KDM1B: variants seen among roughly 807,000 people sequenced by gnomAD.
KDM1B encodes lysine-specific histone demethylase 2.
Under a neutral mutation model 107.4 loss-of-function variants are expected in KDM1B, and 63 were observed. That is an observed-to-expected ratio of 0.59 (90% CI 0.48 to 0.72). KDM1B has a LOEUF of 0.72. Ranked by LOEUF, KDM1B falls within the 30% of genes least tolerant of loss-of-function variation. The pLI, the probability that KDM1B is intolerant of heterozygous loss-of-function variation, is 0.00. For missense variants in KDM1B, 749 were observed against 1,020.8 expected (o/e 0.73, Z 3.63); for synonymous variants, 363 against 363.9 (o/e 1.00, Z 0.03).
At chr6:18,193,804 G>A (rs1337292131) in intron 10 of KDM1B, among the ~76,000 whole-genome samples, 1 of 151,872 alleles carries the variant, frequency 6.6e-6, no homozygotes, top group Admixed American at 6.6e-5. Context: ...GGAGGTGGTG[G>A]CATCATTACT....
In KDM1B at chr6:18,213,928, G is replaced by T; in HGVS notation, c.2109+147G>T. 1 of 864,730 alleles carries T rather than the reference G, an allele frequency of 1.2e-6. No individual in the cohort carries two copies. 53.6% of individuals were successfully genotyped at this position (864,730 alleles called of 1,614,324 possible). On this transcript the variant is annotated intron_variant, in intron 19 of 21. Coordinates refer to ENST00000650836, the MANE Select transcript of KDM1B (RefSeq NM_001364614.2). The surrounding 1 kb of genome is among the most constrained non-coding windows in gnomAD (Gnocchi z 5.9). ...TATATTCTGGGAGGACACTTGGACT[G>T]GACATTTTCCTATAGGAAAGGAGCC... is the stretch of plus-strand genomic sequence containing the variant.
intron 20 of KDM1B, among the ~76,000 whole-genome samples, 193 bp downstream of exon 20, chr6:18,215,322 G>A (rs910085366): frequency 2.6e-5 from 4 of 152,202 alleles, no homozygotes; most frequent in African/African-American, 4.8e-5. Flanking sequence ...ACAGAGTACC[G>A]CAGACTGGCT....
intron 7 of KDM1B, among the ~76,000 whole-genome samples, chr6:18,176,840 T>C (rs1263483160): frequency 6.6e-6 from 1 of 152,222 alleles, no homozygotes; most frequent in African/African-American, 2.4e-5. Context: ...TTTGATATGT[T>C]GTTGGATTCA....
chr6:18,208,756 T>C (rs1296772241), intron 17 of KDM1B, among the ~76,000 whole-genome samples: 1 of 141,754 alleles, frequency 7.1e-6, no homozygotes, highest in Non-Finnish European at 1.5e-5. Flanking sequence ...GCCATTCTCC[T>C]GCCTCAACCT....
chr6:18,159,035 T>G lies in KDM1B; in HGVS notation c.-13-848T>G, dbSNP rs893185285. 7.9e-5 allele frequency among the ~76,000 whole-genome samples: 12 copies of G among 152,300 alleles called. No homozygotes were observed. The East Asian group carries it at 1.5e-3, about 20-fold the overall frequency. On this transcript the variant is annotated intron_variant, in intron 2 of 21. Transcript: ENST00000650836. The surrounding 1 kb of genome is among the most constrained non-coding windows in gnomAD (Gnocchi z 4.5). ...CAGGCTGGAGTGCAGTAGCACAATC[T>G]CGGCTCACTGCAACCTCCGCCTCCC...
At chr6:18,217,643 C>A in intron 20 of KDM1B, 90 bp from the exon 21 acceptor site, 1 of 1,070,452 alleles carries the variant, frequency 9.3e-7, no homozygotes, top group Non-Finnish European at 1.4e-6. Context: ...TCCCAAAGTG[C>A]TGGGATGGGA....
In KDM1B at chr6:18,186,993, C is replaced by CACAA. The variant is rs1786905259; in HGVS notation, c.574-796_574-795insAACA. On this transcript the variant is annotated intron_variant, in intron 8 of 21. Transcript: ENST00000650836. This position sits in a 1 kb window ranked among gnomAD's most constrained non-coding sequence, Gnocchi z 5.6. ...GTGTGTACACACACACACACACACA[C>CACAA]ACACACATTTTTTTTCCAGGCTCCA... Among the ~76,000 whole-genome samples, 1 of 149,880 alleles carries CACAA rather than the reference C, an allele frequency of 6.7e-6. No individual in the cohort carries two copies. Among genetic ancestry groups the CACAA allele is most frequent in the South Asian group, 2.1e-4 (1 of 4,774 alleles).
At chr6:18,199,054 C>T (rs570929785) in intron 12 of KDM1B, among the ~76,000 whole-genome samples, 9 of 150,056 alleles carry the variant, frequency 6.0e-5, no homozygotes, top group South Asian at 2.1e-4. Flanking sequence ...GAAAATTAGC[C>T]GGGCATGGTG....
chr6:18,200,405 C>T lies in KDM1B; in HGVS notation c.1222-34C>T, dbSNP rs781310656. 2.5e-6 allele frequency: 4 copies of T among 1,606,200 alleles called. No individual in the cohort carries two copies. In the Admixed American group the frequency reaches 6.8e-5, roughly 27 times the overall value. On this transcript the variant is annotated intron_variant, in intron 12 of 21. Coordinates refer to ENST00000650836, the MANE Select transcript of KDM1B (RefSeq NM_001364614.2). This position sits in a 1 kb window ranked among gnomAD's most constrained non-coding sequence, Gnocchi z 4.3. The stretch of plus-strand genomic sequence containing the variant: ...ACTGTGTCTGATATAACTCTTGTGT[C>T]CTATTTAGCTTCCCTGACTGTCTGT...
At position 18,159,246 on chromosome 6, in the gene KDM1B, A is replaced by C. The variant is rs183590567; in HGVS notation, c.-13-637A>C. On this transcript the variant is annotated intron_variant, in intron 2 of 21. Coordinates refer to ENST00000650836, the MANE Select transcript of KDM1B (RefSeq NM_001364614.2). This position sits in a 1 kb window ranked among gnomAD's most constrained non-coding sequence, Gnocchi z 4.5. ...CTTGCAAAGTGCTGGGATTACAAGC[A>C]TGAACCACTGTGCCCAGCCATGAGT... Among the ~76,000 whole-genome samples, 1 of 152,172 alleles carries C rather than the reference A, an allele frequency of 6.6e-6. No homozygotes were observed. Among genetic ancestry groups the C allele is most frequent in the Non-Finnish European group, 1.5e-5 (1 of 68,014 alleles).
At chr6:18,215,303 G>T (rs938389226) in intron 20 of KDM1B, among the ~76,000 whole-genome samples, 174 bp downstream of exon 20, 1 of 152,222 alleles carries the variant, frequency 6.6e-6, no homozygotes, top group Non-Finnish European at 1.5e-5. Context: ...GTCTGTGAGG[G>T]CTGTCATCAC....
chr6:18,206,044 A>G (rs1788346093), intron 15 of KDM1B, among the ~76,000 whole-genome samples: 1 of 151,994 alleles, frequency 6.6e-6, no homozygotes, highest in Non-Finnish European at 1.5e-5. Flanking sequence ...CTAAATATTG[A>G]ATTTGAGCTG....
At position 18,217,763 on chromosome 6, in the gene KDM1B, A is replaced by C; in HGVS notation, c.2263A>C (p.Thr755Pro). 7 of 1,612,066 alleles carry C rather than the reference A, an allele frequency of 4.3e-6. No homozygotes were observed. The highest frequency in any genetic ancestry group is 5.9e-6 in the Non-Finnish European group (7 of 1,179,396). The stretch of plus-strand genomic sequence containing the variant: ...CCCAGATCCCACAAAGTATTTTGTC[A>C]CTCGGTGGAGCACAGACCCATGGAT... ...EVPDPTKYFV[T>P]RWSTDPWIQM... Residue 755 changes from threonine to proline, a missense_variant, in exon 21 of 22, where the codon ACT (threonine) becomes CCT (proline). Thr to Pro is a conservative substitution (Grantham distance 38). Transcript: ENST00000650836.
rs922541346 is a variant in KDM1B at position 18,213,120 on chromosome 6, G to T, written c.1983+516G>T. Reference sequence around the variant, plus strand: ...TGCCAGTGGGTTCCATTATCCATGGGAATGGAACTGAGTGGCATCAAAAGC... The same window carrying T: ...TGCCAGTGGGTTCCATTATCCATGGTAATGGAACTGAGTGGCATCAAAAGC... On this transcript the variant is annotated intron_variant, in intron 18 of 21. Coordinates refer to ENST00000650836, the MANE Select transcript of KDM1B (RefSeq NM_001364614.2). This position sits in a 1 kb window ranked among gnomAD's most constrained non-coding sequence, Gnocchi z 5.9. 6.6e-5 allele frequency among the ~76,000 whole-genome samples: 10 copies of T among 152,096 alleles called. No homozygotes were observed. The East Asian group carries it at 1.7e-3, about 26-fold the overall frequency.
rs1788463260 is a variant in KDM1B, at chr6:18,207,485, A to C, written c.1747A>C (p.Ile583Leu). ...TLLTPGYSVIIEKLAEGLDIQ... is the reference protein window; with the variant it reads ...TLLTPGYSVILEKLAEGLDIQ... ...GCTAACTCCCGGGTACTCGGTGATA[A>C]TTGAAAAACTGGCAGAAGGGCTTGA... The change falls in exon 16 of 22, where the codon ATT becomes CTT. Residue 583 changes from isoleucine to leucine, a missense_variant. Physicochemically the swap from Ile to Leu is conservative, Grantham distance 5. Transcript: ENST00000650836. 6.2e-7 allele frequency: 1 copy of C among 1,614,078 alleles called. No homozygotes were observed.
intron 17 of KDM1B, among the ~76,000 whole-genome samples, chr6:18,210,342 C>CTGTTTTTTTT (rs1788742951): frequency 1.4e-5 from 1 of 69,990 alleles, no homozygotes; most frequent in Non-Finnish European, 2.9e-5. Flanking sequence ...TCTTTCTTTT[C>CTGTTTTTTTT]TTTTTTTTTT....
chr6:18,166,519 A>G lies in KDM1B; in HGVS notation c.417+141A>G, dbSNP rs1785308090. 1.9e-5 allele frequency: 11 copies of G among 590,676 alleles called. No homozygotes were observed. The East Asian group carries it at 2.5e-4, about 14-fold the overall frequency. 36.6% of individuals were successfully genotyped at this position (590,676 alleles called of 1,614,324 possible). A position where few individuals can be genotyped will look rare whatever the true frequency, so the allele number is the denominator to read the frequency against. ...ATTAAAGCAAATATTTTTTATTTTT[A>G]TAGAAAGCTGAGATATTTCAACATA... On this transcript the variant is annotated intron_variant, in intron 6 of 21. Transcript: ENST00000650836.
At chr6:18,171,762 T>C (rs1785678529) in intron 7 of KDM1B, among the ~76,000 whole-genome samples, 1 of 152,124 alleles carries the variant, frequency 6.6e-6, no homozygotes, top group Non-Finnish European at 1.5e-5. Flanking sequence ...CCACCTGTAG[T>C]CTAACTTCAT....
rs1240511098 is a variant in KDM1B at position 18,207,612 on chromosome 6, A to G, written c.1791+83A>G. On this transcript the variant is annotated intron_variant, in intron 16 of 21. Transcript: ENST00000650836. ...CTGGGCATGCGGCTCACGCAGGAGAATGGGGCTGGCTTTGGTGTTTAGCCA... is the reference window on the plus strand; with the variant it reads ...CTGGGCATGCGGCTCACGCAGGAGAGTGGGGCTGGCTTTGGTGTTTAGCCA... The G allele has an allele frequency of 1.0e-5, 16 of 1,550,452 alleles. No homozygotes were observed. In the East Asian group the frequency reaches 3.4e-4, roughly 33 times the overall value.
Sources: gnomAD v4.1 joint callset for allele counts (sites outside exome capture counted in the v4.1 genomes callset) on GRCh38, gnomAD v4.1.1 for gene constraint, Gnocchi (gnomAD v3.1) non-coding constraint, MANE v1.5 for transcripts, NCBI Gene and HGNC (gene_info 2026-07-23, HGNC 2026-07-21) for gene names.